Variants in SPATA21 observed in about 807,000 individuals in gnomAD.
The protein encoded by SPATA21 is spermatogenesis-associated protein 21.
In SPATA21, 47 loss-of-function variants were observed where a neutral mutation model predicts 54.8. The observed-to-expected ratio is 0.86, with a 90% CI of 0.68 to 1.09. SPATA21 has a LOEUF of 1.09. Among genes scored for constraint, SPATA21 ranks in the 50% least tolerant of loss-of-function variants. The pLI is 0.00. For synonymous variants in SPATA21, 245 were observed against 235.3 expected (o/e 1.04, Z -0.38); for missense variants, 599 against 596.4 (o/e 1.00, Z -0.05).
chr1:16,404,949 G>C lies in SPATA21; in HGVS notation c.811+18C>G. The C allele has an allele frequency of 1.3e-6, 2 of 1,551,102 alleles. No individual in the cohort carries two copies. The highest frequency in any genetic ancestry group is 2.4e-5 in the East Asian group (1 of 41,902). On this transcript the variant is annotated intron_variant, in intron 8 of 12. Coordinates refer to ENST00000335496, the MANE Select transcript of SPATA21 (RefSeq NM_198546.1). Reference sequence around the variant, plus strand: ...CAGGCCCTGCCTGGGATGCAGAGTGGAGCCCTCTGCCACTCACCATTGACA... The same window carrying C: ...CAGGCCCTGCCTGGGATGCAGAGTGCAGCCCTCTGCCACTCACCATTGACA...
rs533550347 is a variant in SPATA21, at chr1:16,424,689, C to T, written c.35-2718G>A. Reference sequence around the variant, plus strand: ...TCAGCCTCCCAAAGTGCTGGGATTACAAGCACGAGCCACGGCGCCTGGCCT... The same window carrying T: ...TCAGCCTCCCAAAGTGCTGGGATTATAAGCACGAGCCACGGCGCCTGGCCT... On this transcript the variant is annotated intron_variant, in intron 3 of 12. Transcript: ENST00000335496. 2.1e-3 allele frequency among the ~76,000 whole-genome samples: 314 copies of T among 152,132 alleles called. 1 individual carries two copies. The highest frequency in any genetic ancestry group is 2.6e-3 in the Non-Finnish European group (178 of 68,006).
chr1:16,398,637 A>G, downstream of SPATA21: 1 of 1,035,038 alleles, frequency 9.7e-7, no homozygotes, highest in Non-Finnish European at 1.4e-6. Context: ...CAAGAGGCAC[A>G]GAGGCTGAAG....
rs185330742 is a variant in SPATA21, at chr1:16,399,437, G to A, written c.1259C>T (p.Pro420Leu). ...CTGGTCTAGTGCATAGTGGTTGCTCGGCTGCCTACGGACCATCTTCTTGTC... is the reference window on the plus strand; with the variant it reads ...CTGGTCTAGTGCATAGTGGTTGCTCAGCTGCCTACGGACCATCTTCTTGTC... ...QLDKKMVRRQ[P>L]SNHYALDQCT... is the part of the protein sequence containing the mutation. Residue 420 changes from proline (P) to leucine (L), a missense_variant, in exon 12 of 13, where the codon CCG becomes CTG. Transcript: ENST00000335496. 23 of 1,614,154 alleles carry A rather than the reference G, an allele frequency of 1.4e-5. No homozygotes were observed. Among genetic ancestry groups the A allele is most frequent in the African/African-American group, 1.2e-4 (9 of 75,050 alleles).
intron 5 of SPATA21, among the ~76,000 whole-genome samples, chr1:16,410,402 C>T (rs760921098): frequency 4.0e-5 from 6 of 151,508 alleles, no homozygotes; most frequent in African/African-American, 1.2e-4. Flanking sequence ...CGCACTACAA[C>T]GCCCAGCTAA....
At chr1:16,431,200 A>G (rs757807832) in intron 3 of SPATA21, 138 bp downstream of exon 3, 42 of 1,552,774 alleles carry the variant, frequency 2.7e-5, no homozygotes, top group Non-Finnish European at 2.5e-5. Context: ...GAAAGGTGCC[A>G]GCTAGGAGTG....
At chr1:16,418,033 C>G (rs1022195734) in intron 5 of SPATA21, among the ~76,000 whole-genome samples, 4 of 152,222 alleles carry the variant, frequency 2.6e-5, no homozygotes, top group African/African-American at 9.7e-5. Context: ...TGTGGTGCCA[C>G]CAGCTCAGCT....
intron 3 of SPATA21, among the ~76,000 whole-genome samples, chr1:16,426,579 A>ATATTT (rs1401259793): frequency 9.3e-6 from 1 of 107,154 alleles, no homozygotes; most frequent in Non-Finnish European, 1.8e-5. Context: ...ATATATATAT[A>ATATTT]TTTTTTTTTT....
At chr1:16,397,218 AGG>A (rs1229069388), downstream of SPATA21, 1 of 152,404 alleles carries the variant, frequency 6.6e-6, no homozygotes, top group East Asian at 1.9e-4. The surrounding 1 kb of genome is among the most constrained non-coding windows in gnomAD (Gnocchi z 5.4). Flanking sequence ...AGGATGTGGC[AGG>A]GACTGGTCCT....
intron 3 of SPATA21, among the ~76,000 whole-genome samples, chr1:16,423,103 G>A (rs1415239708): frequency 6.7e-6 from 1 of 150,268 alleles, no homozygotes; most frequent in African/African-American, 2.4e-5. Flanking sequence ...GTTGCAGTAA[G>A]CCATGATCAC....
chr1:16,432,407 C>G (rs2100907744), intron 2 of SPATA21, among the ~76,000 whole-genome samples: 2 of 152,202 alleles, frequency 1.3e-5, no homozygotes, highest in East Asian at 3.9e-4. Context: ...CAGGTGTGAG[C>G]CACTGCACCT....
At chr1:16,406,332 A>G (rs750694947) in intron 7 of SPATA21, among the ~76,000 whole-genome samples, 1 of 151,948 alleles carries the variant, frequency 6.6e-6, no homozygotes. Context: ...TGAAGCCCTA[A>G]CTCCAGTACT....
At chr1:16,426,579 A>ATATATATATATATTT (rs1401259793) in intron 3 of SPATA21, among the ~76,000 whole-genome samples, 5 of 107,156 alleles carry the variant, frequency 4.7e-5, no homozygotes, top group Admixed American at 1.0e-4. Context: ...ATATATATAT[A>ATATATATATATATTT]TTTTTTTTTT....
chr1:16,398,586 G>T (rs977395136), downstream of SPATA21: 2 of 664,754 alleles, frequency 3.0e-6, no homozygotes, highest in Non-Finnish European at 5.2e-6. Flanking sequence ...CACTCTGAGA[G>T]CCCAGTGGTG....
In SPATA21 at chr1:16,421,120, G is replaced by A. The variant is rs12139049; in HGVS notation, c.144+389C>T. On this transcript the variant is annotated intron_variant, in intron 5 of 12. Transcript: ENST00000335496. The surrounding 1 kb of genome is among the most constrained non-coding windows in gnomAD (Gnocchi z 5.2). Reference sequence around the variant, plus strand: ...TAGGAAGTGGCAGAGCTTGGGGAGGGAAGGATGGCTGGGAGGGGTCGGGGA... The same window carrying A: ...TAGGAAGTGGCAGAGCTTGGGGAGGAAAGGATGGCTGGGAGGGGTCGGGGA... Among the ~76,000 whole-genome samples, 36,876 of 151,904 alleles carry A rather than the reference G, an allele frequency of 0.24. 5,585 individuals are homozygous for A. Among genetic ancestry groups the A allele is most frequent in the Non-Finnish European group, 0.34 (22,985 of 67,920 alleles).
chr1:16,398,575 G>A (rs1461268019), downstream of SPATA21: 4 of 637,316 alleles, frequency 6.3e-6, no homozygotes, highest in Non-Finnish European at 8.3e-6. Flanking sequence ...GTGGAACCCT[G>A]CACTCTGAGA....
chr1:16,403,666 A>G lies in SPATA21; in HGVS notation c.1001+61T>C, dbSNP rs1220857912. ...TAACTACCAAAAGTTCTCAGTGCCA[A>G]AATGCTAGATGCCACCTCTGTGTCC... On this transcript the variant is annotated intron_variant, in intron 10 of 12. Coordinates refer to ENST00000335496, the MANE Select transcript of SPATA21 (RefSeq NM_198546.1). The G allele has an allele frequency of 1.4e-5, 20 of 1,475,328 alleles. No individual in the cohort carries two copies. The Admixed American group carries it at 3.2e-4, about 24-fold the overall frequency. 91.4% of individuals were successfully genotyped at this position (1,475,328 alleles called of 1,614,324 possible). A position where few individuals can be genotyped will look rare whatever the true frequency, so the allele number is the denominator to read the frequency against.
chr1:16,409,309 T>A lies in SPATA21; in HGVS notation c.588-106A>T. ...TGCAGGAGGAGGTCGTGGGGGAGGC[T>A]TTGGGGAGCCCGGAGAGATCAAGAA... On this transcript the variant is annotated intron_variant, in intron 6 of 12. Transcript: ENST00000335496. The surrounding 1 kb of genome is among the most constrained non-coding windows in gnomAD (Gnocchi z 4.1). 8.1e-7 allele frequency: 1 copy of A among 1,235,476 alleles called. No individual in the cohort carries two copies. Among genetic ancestry groups the A allele is most frequent in the Non-Finnish European group, 1.2e-6 (1 of 861,764 alleles). 76.5% of individuals were successfully genotyped at this position (1,235,476 alleles called of 1,614,324 possible). A position where few individuals can be genotyped will look rare whatever the true frequency, so the allele number is the denominator to read the frequency against.
rs1344234558 is a variant in SPATA21 at position 16,403,719 on chromosome 1, C to G, written c.1001+8G>C. 1 of 1,610,128 alleles carries G rather than the reference C, an allele frequency of 6.2e-7. No homozygotes were observed. Among genetic ancestry groups the G allele is most frequent in the Non-Finnish European group, 8.5e-7 (1 of 1,176,582 alleles). On this transcript the variant is annotated splice_region_variant and intron_variant, in intron 10 of 12. Coordinates refer to ENST00000335496, the MANE Select transcript of SPATA21 (RefSeq NM_198546.1). ...AACCCTTCACCCCCAACAACCGGCCCCACTCACTTTGTGATTTCCTCTAAG... is the reference window on the plus strand; with the variant it reads ...AACCCTTCACCCCCAACAACCGGCCGCACTCACTTTGTGATTTCCTCTAAG...
intron 3 of SPATA21, among the ~76,000 whole-genome samples, chr1:16,424,107 G>A (rs1235648237): frequency 6.6e-6 from 1 of 150,580 alleles, no homozygotes; most frequent in Non-Finnish European, 1.5e-5. Flanking sequence ...TACACTTAAA[G>A]TATGTGCAAG....
Sources: allele counts gnomAD v4.1 joint callset (sites outside exome capture counted in the v4.1 genomes callset), GRCh38; gene constraint gnomAD v4.1.1; non-coding constraint Gnocchi (gnomAD v3.1); transcripts MANE v1.5; gene names NCBI Gene and HGNC (gene_info 2026-07-23, HGNC 2026-07-21).